The following CORO2B variants were observed in gnomAD, a reference collection of about 807,000 sequenced individuals.
CORO2B encodes coronin-2B.
In CORO2B, 26 loss-of-function variants were observed where a neutral mutation model predicts 58.8. The observed-to-expected ratio is 0.44, with a 90% confidence interval of 0.32 to 0.61. The LOEUF is 0.61. CORO2B is among the 20% of genes least tolerant of loss of function. The pLI is 0.04. For synonymous variants in CORO2B, 242 were observed against 253.8 expected (o/e 0.95, Z 0.44); for missense variants, 460 against 645.1 (o/e 0.71, Z 3.11).
At chr15:68,622,145 C>T (rs28578838) in intron 1 of CORO2B, among the ~76,000 whole-genome samples, 4,723 of 152,168 alleles carry the variant, frequency 0.031, 228 homozygotes, top group African/African-American at 0.099. Flanking sequence ...TTAAATGAGA[C>T]GAAGTTGGAG....
chr15:68,643,619 C>G (rs1195495403), intron 1 of CORO2B, among the ~76,000 whole-genome samples: 1 of 152,154 alleles, frequency 6.6e-6, no homozygotes, highest in Non-Finnish European at 1.5e-5. Flanking sequence ...GGTTGGGGCC[C>G]AGAGAGCTGG....
intron 11 of CORO2B, among the ~76,000 whole-genome samples, chr15:68,720,952 T>G (rs1455316252): frequency 6.6e-6 from 1 of 152,182 alleles, no homozygotes; most frequent in African/African-American, 2.4e-5. Flanking sequence ...AGTGGCACAA[T>G]CTCAGCTCAC....
chr15:68,617,020 T>A (rs1176287085), intron 1 of CORO2B, among the ~76,000 whole-genome samples: 1 of 152,154 alleles, frequency 6.6e-6, no homozygotes, highest in Non-Finnish European at 1.5e-5. Flanking sequence ...GAACCAGGTA[T>A]ATGGAGAGTA....
At chr15:68,697,909 G>T (rs1892552425) in intron 3 of CORO2B, among the ~76,000 whole-genome samples, 1 of 152,198 alleles carries the variant, frequency 6.6e-6, no homozygotes, top group South Asian at 2.1e-4. Context: ...GGTTCAGGGA[G>T]CCCAAGAAGG....
At chr15:68,623,805 G>A (rs1900594899) in intron 1 of CORO2B, among the ~76,000 whole-genome samples, 1 of 152,228 alleles carries the variant, frequency 6.6e-6, no homozygotes, top group Non-Finnish European at 1.5e-5. Flanking sequence ...AAAGCATGAG[G>A]TTGGAGGCGG....
intron 1 of CORO2B, among the ~76,000 whole-genome samples, chr15:68,589,716 G>A (rs577959886): frequency 2.0e-5 from 3 of 152,342 alleles, no homozygotes; most frequent in East Asian, 1.9e-4. Context: ...CAAAAGTGGG[G>A]AATGGGAGAA....
chr15:68,708,378 T>TTTTTTTTTA (rs1892833097), intron 3 of CORO2B, among the ~76,000 whole-genome samples: 1 of 147,612 alleles, frequency 6.8e-6, no homozygotes, highest in African/African-American at 2.5e-5. Flanking sequence ...TTTTTTTTTT[T>TTTTTTTTTA]GAGATGGAGT....
intron 11 of CORO2B, among the ~76,000 whole-genome samples, chr15:68,720,654 G>A (rs1040537994): frequency 2.6e-5 from 4 of 152,234 alleles, no homozygotes; most frequent in Non-Finnish European, 4.4e-5. Context: ...TCCCTGCCAC[G>A]TGGACTCCTC....
chr15:68,715,150 G>A, intron 7 of CORO2B, 65 bp from the exon 8 acceptor site: 1 of 1,427,264 alleles, frequency 7.0e-7, no homozygotes, highest in Non-Finnish European at 9.9e-7. Flanking sequence ...CTGGCTCCTG[G>A]GACCAGGCCC....
At chr15:68,605,826 G>A (rs1469983927) in intron 1 of CORO2B, among the ~76,000 whole-genome samples, 6 of 146,794 alleles carry the variant, frequency 4.1e-5, no homozygotes, top group African/African-American at 1.3e-4. Context: ...CCGGGTTCAA[G>A]CAATTCTCCT....
chr15:68,636,232 G>C (rs747251169), intron 1 of CORO2B, among the ~76,000 whole-genome samples: 10 of 152,180 alleles, frequency 6.6e-5, no homozygotes, highest in Non-Finnish European at 1.3e-4. Context: ...TGGAATCTGG[G>C]GGCCTCAGAA....
chr15:68,576,152 C>A (rs1270041025), upstream of CORO2B, among the ~76,000 whole-genome samples: 10 of 62,190 alleles, frequency 1.6e-4, no homozygotes, highest in East Asian at 1.3e-3. Context: ...GACTACGTCG[C>A]AAAAAAAAAA....
rs1899346775 is a variant in CORO2B at position 68,579,133 on chromosome 15, CGGCCGAGCCGCCGGCGGGGCGCGGG to C, written c.-128_-104del. On this transcript the variant is annotated 5_prime_UTR_variant, in exon 1 of 12. Transcript: ENST00000261861. Reference sequence around the variant, plus strand: ...CCGCCCGGAGCGCAGCCCCCAGGCTCGGCCGAGCCGCCGGCGGGGCGCGGGGAGCGAGCCGGGAGCTGCCGGACCC... The same window carrying C: ...CCGCCCGGAGCGCAGCCCCCAGGCTCGAGCGAGCCGGGAGCTGCCGGACCC... The C allele has an allele frequency of 9.2e-6, 9 of 981,676 alleles. No homozygotes were observed. The highest frequency in any genetic ancestry group is 9.7e-6 in the Non-Finnish European group (8 of 828,382). The allele number at this position is 981,676 out of a possible 1,614,324, so 60.8% of individuals were successfully genotyped here.
At chr15:68,636,028 T>C (rs986384175) in intron 1 of CORO2B, among the ~76,000 whole-genome samples, 9 of 152,196 alleles carry the variant, frequency 5.9e-5, no homozygotes, top group African/African-American at 2.2e-4. Context: ...CTGAATCAGA[T>C]CCCAGCTCCT....
At chr15:68,626,345 G>GT (rs1900682567) in intron 1 of CORO2B, among the ~76,000 whole-genome samples, 2 of 151,780 alleles carry the variant, frequency 1.3e-5, no homozygotes, top group Admixed American at 1.3e-4. Flanking sequence ...AGAAGTCTAG[G>GT]TTTTTCTTAA....
Position 68,668,057 on chromosome 15 carries a change from G to C in CORO2B, c.216+22697G>C, listed in dbSNP as rs116560396. ...CTGTTCTAAGCTCTTGAGACGCCTG[G>C]TGCCACTGAATACTCAGCAACCTTG... On this transcript the variant is annotated intron_variant, in intron 2 of 11. Coordinates refer to ENST00000261861, the MANE Select transcript of CORO2B (RefSeq NM_006091.5). 8.8e-3 allele frequency among the ~76,000 whole-genome samples: 1,345 copies of C among 152,308 alleles called. 16 individuals are homozygous for C. Among genetic ancestry groups the C allele is most frequent in the African/African-American group, 0.031 (1,292 of 41,554 alleles).
intron 3 of CORO2B, among the ~76,000 whole-genome samples, chr15:68,707,943 T>TC (rs202220184): frequency 0.024 from 3,591 of 151,020 alleles, 57 homozygotes; most frequent in Non-Finnish European, 0.032. Flanking sequence ...CTCCCCCAAT[T>TC]CCCCCCCTCC....
intron 1 of CORO2B, among the ~76,000 whole-genome samples, chr15:68,601,900 T>A (rs1325972937): frequency 6.6e-6 from 1 of 152,010 alleles, no homozygotes; most frequent in East Asian, 1.9e-4. Flanking sequence ...GATCAAGTCA[T>A]CAGCAAGTTC....
chr15:68,600,253 C>T (rs1214023062), intron 1 of CORO2B, among the ~76,000 whole-genome samples: 2 of 152,182 alleles, frequency 1.3e-5, no homozygotes, highest in Non-Finnish European at 2.9e-5. Context: ...GTGAAAATTG[C>T]ACTCCTCCGT....
Sources: allele counts gnomAD v4.1 joint callset (sites outside exome capture counted in the v4.1 genomes callset), GRCh38; gene constraint gnomAD v4.1.1; transcripts MANE v1.5; gene names NCBI Gene and HGNC (gene_info 2026-07-23, HGNC 2026-07-21).